The following DLGAP1 variants were observed in gnomAD, a reference collection of about 807,000 sequenced individuals.
DLGAP1 encodes the protein disks large-associated protein 1.
DLGAP1 carries 11 observed loss-of-function variants against 90.8 expected under a neutral mutation model. That is an observed-to-expected ratio of 0.12 (90% confidence interval 0.08 to 0.20). The LOEUF (loss-of-function observed/expected upper bound fraction) is 0.20. Ranked by LOEUF, DLGAP1 falls within the 10% of genes least tolerant of loss-of-function variation. The pLI, the probability that DLGAP1 is intolerant of heterozygous loss-of-function variation, is 1.00. For missense variants in DLGAP1, 1,050 were observed against 1,333.8 expected, an observed-to-expected ratio of 0.79 and a Z score of 3.31; for synonymous variants, 558 against 540.7, an observed-to-expected ratio of 1.03 and a Z score of -0.44.
intron 1 of DLGAP1, among the ~76,000 whole-genome samples, chr18:4,224,874 T>C (rs1402429805): frequency 2.6e-5 from 4 of 152,116 alleles, no homozygotes; most frequent in Non-Finnish European, 4.4e-5. Flanking sequence ...AGAAAGTATT[T>C]ACAGTAGGCT....
At chr18:4,127,349 C>A (rs1424741825) in intron 2 of DLGAP1, among the ~76,000 whole-genome samples, 1 of 151,906 alleles carries the variant, frequency 6.6e-6, no homozygotes, top group East Asian at 1.9e-4. Flanking sequence ...TTTTTTCCAC[C>A]CTATCAGGGT....
chr18:4,066,110 G>A (rs901724419), intron 2 of DLGAP1, among the ~76,000 whole-genome samples: 5 of 152,152 alleles, frequency 3.3e-5, no homozygotes, highest in African/African-American at 1.2e-4. Flanking sequence ...CTAGCCATAT[G>A]CAGAAGACTA....
intron 2 of DLGAP1, among the ~76,000 whole-genome samples, chr18:4,096,474 C>G (rs998506547): frequency 2.0e-5 from 3 of 152,096 alleles, no homozygotes; most frequent in African/African-American, 2.4e-5. Context: ...TGCTATATGT[C>G]CTTTTCACAG....
At chr18:4,162,069 A>G (rs2076855691) in intron 1 of DLGAP1, among the ~76,000 whole-genome samples, 1 of 152,228 alleles carries the variant, frequency 6.6e-6, no homozygotes, top group East Asian at 1.9e-4. Context: ...TACCTGTGCC[A>G]GACAATGTTC....
intron 4 of DLGAP1, among the ~76,000 whole-genome samples, chr18:3,841,878 C>T (rs2068735082): frequency 6.6e-6 from 1 of 152,094 alleles, no homozygotes; most frequent in African/African-American, 2.4e-5. Flanking sequence ...GAATAAGAGA[C>T]CAGCTATGTT....
chr18:3,719,201 A>G (rs1317397330), intron 7 of DLGAP1, among the ~76,000 whole-genome samples: 1 of 152,022 alleles, frequency 6.6e-6, no homozygotes, highest in Non-Finnish European at 1.5e-5. Flanking sequence ...ATACTAGGAG[A>G]TCTTTGTGGT....
rs187244549 is a variant in DLGAP1 at position 3,633,048 on chromosome 18, G to A, written c.1592-50800C>T. 7.4e-4 allele frequency among the ~76,000 whole-genome samples: 113 copies of A among 152,232 alleles called. No homozygotes were observed. The Middle Eastern group carries it at 0.01, about 14-fold the overall frequency. On this transcript the variant is annotated intron_variant, in intron 7 of 12. Coordinates refer to ENST00000315677, the MANE Select transcript of DLGAP1 (RefSeq NM_004746.4). Reference sequence around the variant, plus strand: ...GGATAGAATTTTCCTATTAGGCTACGCCTTGGGCAAGTTTTGGGCTTTAAA... The same window carrying A: ...GGATAGAATTTTCCTATTAGGCTACACCTTGGGCAAGTTTTGGGCTTTAAA...
At chr18:3,974,365 G>A (rs1292571140) in intron 3 of DLGAP1, among the ~76,000 whole-genome samples, 1 of 152,160 alleles carries the variant, frequency 6.6e-6, no homozygotes, top group Non-Finnish European at 1.5e-5. Context: ...ATTCATCCGT[G>A]ACCTAAATGT....
At chr18:4,359,815 G>A (rs1436156070) in intron 1 of DLGAP1, among the ~76,000 whole-genome samples, 2 of 152,292 alleles carry the variant, frequency 1.3e-5, no homozygotes, top group Middle Eastern at 3.4e-3. Context: ...CTAGACACTG[G>A]AGATAAAGTA....
chr18:4,107,567 G>C (rs2075891628), intron 2 of DLGAP1, among the ~76,000 whole-genome samples: 1 of 152,134 alleles, frequency 6.6e-6, no homozygotes. Context: ...TTAATATTTA[G>C]GCTGTAGTGA....
intron 7 of DLGAP1, among the ~76,000 whole-genome samples, chr18:3,706,040 C>G (rs1337308631): frequency 6.7e-6 from 1 of 149,968 alleles, no homozygotes; most frequent in Non-Finnish European, 1.5e-5. Flanking sequence ...CTGGATCGCC[C>G]AGGCTGGATT....
intron 2 of DLGAP1, among the ~76,000 whole-genome samples, chr18:4,054,941 C>T (rs754997566): frequency 5.3e-5 from 8 of 152,122 alleles, no homozygotes; most frequent in Admixed American, 2.6e-4. Context: ...AAGTTGAGAT[C>T]AAATTTTATG....
chr18:3,541,623 T>C (rs1227136518), intron 9 of DLGAP1, among the ~76,000 whole-genome samples: 1 of 152,212 alleles, frequency 6.6e-6, no homozygotes, highest in Non-Finnish European at 1.5e-5. Flanking sequence ...GGCTGTCAGA[T>C]GTTGCCTCAA....
At chr18:3,826,931 G>A (rs1331504097) in intron 4 of DLGAP1, among the ~76,000 whole-genome samples, 1 of 152,112 alleles carries the variant, frequency 6.6e-6, no homozygotes, top group Non-Finnish European at 1.5e-5. Context: ...GTTTGCTAAC[G>A]ATGATCTGGA....
chr18:4,302,878 T>C (rs375361183), intron 1 of DLGAP1, among the ~76,000 whole-genome samples: 13 of 152,352 alleles, frequency 8.5e-5, no homozygotes, highest in African/African-American at 2.9e-4. Context: ...TATTTATGTC[T>C]TCTTCAATTT....
At chr18:3,731,462 C>T (rs1598492575) in intron 6 of DLGAP1, among the ~76,000 whole-genome samples, 1 of 152,010 alleles carries the variant, frequency 6.6e-6, no homozygotes, top group African/African-American at 2.4e-5. Context: ...TGCTCTGTCA[C>T]CCAGGGTGGA....
intron 2 of DLGAP1, among the ~76,000 whole-genome samples, chr18:4,068,796 C>T (rs1050982675): frequency 2.6e-5 from 4 of 152,146 alleles, no homozygotes; most frequent in Admixed American, 2.6e-4. Flanking sequence ...TGTGTAAAAG[C>T]CAGGAACTGG....
chr18:3,813,928 ACAAT>A, intron 5 of DLGAP1, 127 bp downstream of exon 5: 1 of 852,460 alleles, frequency 1.2e-6, no homozygotes, highest in Non-Finnish European at 1.9e-6. Flanking sequence ...ATCTAAAGTC[ACAAT>A]CAATGTACTG....
In DLGAP1 at chr18:4,378,994, G is replaced by C. The variant is rs534917035; in HGVS notation, c.-267+76012C>G. 2.6e-5 allele frequency among the ~76,000 whole-genome samples: 4 copies of C among 152,200 alleles called. No homozygotes were observed. The South Asian group carries it at 8.3e-4, about 32-fold the overall frequency. On this transcript the variant is annotated intron_variant, in intron 1 of 12. Transcript: ENST00000315677. The surrounding 1 kb of genome is among the most constrained non-coding windows in gnomAD (Gnocchi z 4.5). ...CAGCATGTGATCTCCTGTGCCGCGT[G>C]ACCACAGTTGATAGGACCAAGGGTT...
Sources: gnomAD v4.1 joint callset for allele counts (sites outside exome capture counted in the v4.1 genomes callset) on GRCh38, gnomAD v4.1.1 for gene constraint, Gnocchi (gnomAD v3.1) non-coding constraint, MANE v1.5 for transcripts, NCBI Gene and HGNC (gene_info 2026-07-23, HGNC 2026-07-21) for gene names.